Variants in FOXN3 observed in about 807,000 individuals in gnomAD.
FOXN3 encodes forkhead box protein N3.
FOXN3 carries 7 observed loss-of-function variants against 38.4 expected under a neutral mutation model. The observed-to-expected ratio is 0.18, with a 90% CI of 0.10 to 0.34. The LOEUF is 0.34. FOXN3 is among the 10% of genes least tolerant of loss of function. The pLI is 1.00. For synonymous variants in FOXN3, 230 were observed against 242.2 expected (o/e 0.95, Z 0.47); for missense variants, 456 against 613.4 (o/e 0.74, Z 2.71).
chr14:89,342,611 C>A (rs1413313194), intron 3 of FOXN3, among the ~76,000 whole-genome samples: 1 of 151,992 alleles, frequency 6.6e-6, no homozygotes, highest in Non-Finnish European at 1.5e-5. Context: ...TTCATCCCCT[C>A]CAATTTTTTA....
At chr14:89,456,730 T>C (rs1892734449) in intron 1 of FOXN3, among the ~76,000 whole-genome samples, 1 of 152,208 alleles carries the variant, frequency 6.6e-6, no homozygotes, top group South Asian at 2.1e-4. Flanking sequence ...CACTCCAGCC[T>C]GGGTGACAGA....
chr14:89,580,992 G>T (rs1225709391), intron 1 of FOXN3, among the ~76,000 whole-genome samples: 1 of 149,024 alleles, frequency 6.7e-6, no homozygotes, highest in Non-Finnish European at 1.5e-5. Context: ...AGACCAGCCT[G>T]GGCAACACAG....
intron 1 of FOXN3, among the ~76,000 whole-genome samples, chr14:89,547,528 C>A (rs577829151): frequency 6.6e-6 from 1 of 152,212 alleles, no homozygotes; most frequent in African/African-American, 2.4e-5. Context: ...GAACTCCTGA[C>A]CTCAAGCAAT....
chr14:89,603,886 G>C (rs771896268), intron 1 of FOXN3, among the ~76,000 whole-genome samples: 3 of 152,136 alleles, frequency 2.0e-5, no homozygotes, highest in Non-Finnish European at 4.4e-5. Flanking sequence ...CCAAGATAGA[G>C]TGTATAATAA....
chr14:89,365,330 G>A (rs1400646661), intron 2 of FOXN3, among the ~76,000 whole-genome samples: 1 of 152,202 alleles, frequency 6.6e-6, no homozygotes, highest in Non-Finnish European at 1.5e-5. Flanking sequence ...TTTCCCAAGT[G>A]CCAAAAGCAG....
chr14:89,218,677 A>T (rs373105998), intron 4 of FOXN3, among the ~76,000 whole-genome samples: 1 of 152,184 alleles, frequency 6.6e-6, no homozygotes, highest in Non-Finnish European at 1.5e-5. Context: ...GGTTGTTTCC[A>T]ATCTTTGGCT....
chr14:89,304,057 C>A (rs1233888626), intron 3 of FOXN3, among the ~76,000 whole-genome samples: 1 of 152,170 alleles, frequency 6.6e-6, no homozygotes, highest in Admixed American at 6.5e-5. Context: ...AGCTTCTTGC[C>A]GGTGATCACT....
At chr14:89,518,652 A>G (rs1156639177) in intron 1 of FOXN3, among the ~76,000 whole-genome samples, 1 of 152,230 alleles carries the variant, frequency 6.6e-6, no homozygotes, top group Non-Finnish European at 1.5e-5. Context: ...ACATAGGGAG[A>G]GATGAATTTC....
At chr14:89,294,602 C>T (rs191695742) in intron 3 of FOXN3, among the ~76,000 whole-genome samples, 14 of 152,212 alleles carry the variant, frequency 9.2e-5, no homozygotes, top group East Asian at 3.9e-4. Context: ...AAAGACCTTG[C>T]GGATAAAACA....
rs548668493 is a variant in FOXN3 at position 89,527,222 on chromosome 14, T to C, written c.-15+91806A>G. 2.0e-5 allele frequency among the ~76,000 whole-genome samples: 3 copies of C among 152,276 alleles called. No homozygotes were observed. The East Asian group carries it at 5.8e-4, about 29-fold the overall frequency. Reference sequence around the variant, plus strand: ...GAACTTCAGTACATATCTTGTACCATATAAAAAATGAATTCAAAATGGACA... The same window carrying C: ...GAACTTCAGTACATATCTTGTACCACATAAAAAATGAATTCAAAATGGACA... On this transcript the variant is annotated intron_variant, in intron 1 of 6. Coordinates refer to the FOXN3 transcript ENST00000345097.
chr14:89,169,911 G>A (rs1887344436), intron 5 of FOXN3, among the ~76,000 whole-genome samples: 3 of 152,008 alleles, frequency 2.0e-5, no homozygotes, highest in South Asian at 2.1e-4. Context: ...ATAAAAATGC[G>A]CTAAAAATCT....
At chr14:89,170,079 G>A (rs1185078601) in intron 5 of FOXN3, among the ~76,000 whole-genome samples, 1 of 152,196 alleles carries the variant, frequency 6.6e-6, no homozygotes, top group East Asian at 1.9e-4. Context: ...ATATTAAAAT[G>A]AGATCAGATA....
At chr14:89,437,089 G>C (rs569908237) in intron 1 of FOXN3, among the ~76,000 whole-genome samples, 4 of 151,820 alleles carry the variant, frequency 2.6e-5, no homozygotes, top group Admixed American at 1.3e-4. Context: ...TGAGACAGGA[G>C]AATCAATTGA....
intron 5 of FOXN3, among the ~76,000 whole-genome samples, chr14:89,173,605 T>G (rs952366860): frequency 5.3e-5 from 8 of 152,186 alleles, no homozygotes; most frequent in African/African-American, 1.9e-4. Flanking sequence ...TGAAAATGAC[T>G]CAATTACAGC....
intron 1 of FOXN3, among the ~76,000 whole-genome samples, chr14:89,507,201 A>G (rs1161777069): frequency 1.3e-5 from 2 of 152,198 alleles, no homozygotes; most frequent in Non-Finnish European, 2.9e-5. Context: ...GCAGCTGATT[A>G]AGCAGTCAAT....
At chr14:89,471,402 G>C (rs1453867236) in intron 1 of FOXN3, among the ~76,000 whole-genome samples, 1 of 152,068 alleles carries the variant, frequency 6.6e-6, no homozygotes, top group Non-Finnish European at 1.5e-5. Context: ...AGGAGCTCAA[G>C]ACTAGCCTGG....
chr14:89,317,336 G>C (rs895537011), intron 3 of FOXN3, among the ~76,000 whole-genome samples: 2 of 152,240 alleles, frequency 1.3e-5, no homozygotes, highest in South Asian at 2.1e-4. Flanking sequence ...CACTTCCTGC[G>C]ATGTTTTAGA....
intron 2 of FOXN3, among the ~76,000 whole-genome samples, chr14:89,403,305 G>A (rs913979012): frequency 6.6e-6 from 1 of 152,074 alleles, no homozygotes; most frequent in African/African-American, 2.4e-5. Flanking sequence ...GGGTTCAAGC[G>A]ATTCTCCAGC....
At chr14:89,237,324 G>A (rs1885009390) in intron 4 of FOXN3, among the ~76,000 whole-genome samples, 1 of 152,160 alleles carries the variant, frequency 6.6e-6, no homozygotes, top group Non-Finnish European at 1.5e-5. Context: ...TGAAAAAATA[G>A]TGACAACACC....
Sources: gnomAD v4.1 joint callset for allele counts (sites outside exome capture counted in the v4.1 genomes callset) on GRCh38, gnomAD v4.1.1 for gene constraint, MANE v1.5 for transcripts, NCBI Gene and HGNC (gene_info 2026-07-23, HGNC 2026-07-21) for gene names.